The following CASQ2 variants were observed in gnomAD, a reference collection of about 807,000 sequenced individuals.
The protein encoded by CASQ2 is calsequestrin-2.
In CASQ2, 49 loss-of-function variants were observed where a neutral mutation model predicts 46.5. That is an observed-to-expected ratio of 1.05 (90% CI 0.84 to 1.34). The LOEUF (loss-of-function observed/expected upper bound fraction) is 1.34. Ranked by LOEUF, CASQ2 falls within the 40% of genes most tolerant of loss-of-function variation. CASQ2 has a pLI of 0.00. For missense variants in CASQ2, 486 were observed against 481.3 expected, an observed-to-expected ratio of 1.01 and a Z score of -0.09; for synonymous variants, 174 against 168.5, an observed-to-expected ratio of 1.03 and a Z score of -0.25.
At chr1:115,754,255 A>C (rs940662629) in intron 1 of CASQ2, among the ~76,000 whole-genome samples, 7 of 152,146 alleles carry the variant, frequency 4.6e-5, no homozygotes, top group African/African-American at 1.7e-4. Context: ...TCAAGCGAGT[A>C]TCGGGGGCCT....
intron 5 of CASQ2, 70 bp from the exon 6 acceptor site, chr1:115,727,192 A>T (rs1647625586): frequency 2.5e-6 from 3 of 1,190,566 alleles, no homozygotes; most frequent in African/African-American, 3.0e-5. Flanking sequence ...TTGTCCATCT[A>T]AGATAAGTGT....
In CASQ2 at chr1:115,730,809, C is replaced by T. The variant is rs139456861; in HGVS notation, c.606+2092G>A. On this transcript the variant is annotated intron_variant, in intron 5 of 10. Coordinates refer to ENST00000261448, the MANE Select transcript of CASQ2 (RefSeq NM_001232.4). ...CGCATTAGTGCTTTCTTGTCCCTTG[C>T]CTCTCCTGGTTTCAGACCTCAACAA... 5.8e-4 allele frequency among the ~76,000 whole-genome samples: 89 copies of T among 152,268 alleles called. 1 individual carries two copies. The East Asian group carries it at 0.011, about 19-fold the overall frequency.
At chr1:115,706,358 G>T (rs1654363139) in intron 8 of CASQ2, among the ~76,000 whole-genome samples, 1 of 152,118 alleles carries the variant, frequency 6.6e-6, no homozygotes, top group Admixed American at 6.5e-5. Context: ...ATCCCTTAGA[G>T]AACCCCCTAG....
intron 3 of CASQ2, 36 bp downstream of exon 3, chr1:115,740,692 C>A: frequency 7.8e-7 from 1 of 1,276,830 alleles, no homozygotes. Context: ...TGAGGAGAGG[C>A]AGCTCCATGC....
intron 2 of CASQ2, among the ~76,000 whole-genome samples, chr1:115,744,197 C>A (rs10754347): frequency 0.27 from 41,475 of 151,512 alleles, 6,077 homozygotes; most frequent in East Asian, 0.43. Context: ...GGAACTACCT[C>A]CATTCTCTCT....
chr1:115,760,796 T>C (rs1648910628), intron 1 of CASQ2, among the ~76,000 whole-genome samples: 1 of 152,154 alleles, frequency 6.6e-6, no homozygotes, highest in African/African-American at 2.4e-5. Context: ...TAAGAACACG[T>C]GTAAAAGTTC....
chr1:115,711,624 G>A (rs10923248), intron 8 of CASQ2, among the ~76,000 whole-genome samples: 86,145 of 148,028 alleles, frequency 0.58, 25,509 homozygotes, highest in African/African-American at 0.68. Context: ...TTGATCCTTC[G>A]TTGATGGGAA....
intron 5 of CASQ2, among the ~76,000 whole-genome samples, chr1:115,731,001 C>T (rs1425022413): frequency 6.6e-6 from 1 of 152,196 alleles, no homozygotes; most frequent in Non-Finnish European, 1.5e-5. Flanking sequence ...ACCATCTCCC[C>T]TTGGACACCC....
chr1:115,732,704 A>G (rs1475787224), intron 5 of CASQ2, among the ~76,000 whole-genome samples, 197 bp downstream of exon 5: 1 of 152,222 alleles, frequency 6.6e-6, no homozygotes, highest in Non-Finnish European at 1.5e-5. Flanking sequence ...AAATATCCTT[A>G]CATCCTCTGA....
chr1:115,764,271 G>T (rs1474263860), intron 1 of CASQ2, among the ~76,000 whole-genome samples: 1 of 151,898 alleles, frequency 6.6e-6, no homozygotes, highest in Non-Finnish European at 1.5e-5. Context: ...TGATACAGTG[G>T]AATACTATGC....
intron 9 of CASQ2, among the ~76,000 whole-genome samples, chr1:115,703,287 T>G (rs1459498162): frequency 6.6e-6 from 1 of 152,204 alleles, no homozygotes; most frequent in Non-Finnish European, 1.5e-5. Context: ...GTTTTATAGT[T>G]TATAGAGCCA....
chr1:115,737,454 G>C (rs553044655), intron 4 of CASQ2, among the ~76,000 whole-genome samples: 10 of 152,290 alleles, frequency 6.6e-5, no homozygotes, highest in African/African-American at 1.9e-4. Context: ...TGCTACCAGA[G>C]TTATGCTCAC....
intron 1 of CASQ2, among the ~76,000 whole-genome samples, chr1:115,755,277 T>C (rs1648720194): frequency 1.3e-5 from 2 of 152,238 alleles, no homozygotes; most frequent in Admixed American, 6.5e-5. Context: ...AACAGAATTC[T>C]GTGCCCCAGA....
intron 10 of CASQ2, among the ~76,000 whole-genome samples, chr1:115,702,159 T>G (rs1205414795): frequency 3.3e-5 from 5 of 151,858 alleles, no homozygotes; most frequent in African/African-American, 1.2e-4. Flanking sequence ...TGACCTCAGG[T>G]GATCCACCCA....
chr1:115,740,855 G>A (rs1298667219), intron 2 of CASQ2, 27 bp from the exon 3 acceptor site: 19 of 1,471,258 alleles, frequency 1.3e-5, no homozygotes, highest in East Asian at 2.3e-5. Context: ...GGCCCACAGA[G>A]AAGGTCATCC....
intron 1 of CASQ2, among the ~76,000 whole-genome samples, chr1:115,757,891 A>G (rs558458693): frequency 6.6e-6 from 1 of 152,316 alleles, no homozygotes; most frequent in East Asian, 1.9e-4. Flanking sequence ...TTTATTTCTA[A>G]TTCTTGACCT....
intron 1 of CASQ2, among the ~76,000 whole-genome samples, chr1:115,765,300 G>T (rs1282417372): frequency 6.6e-6 from 1 of 152,218 alleles, no homozygotes; most frequent in African/African-American, 2.4e-5. Context: ...GGTATTTCAA[G>T]TGCCCCTCAT....
intron 9 of CASQ2, among the ~76,000 whole-genome samples, chr1:115,704,316 T>C (rs1332668698): frequency 6.6e-6 from 1 of 152,208 alleles, no homozygotes; most frequent in Non-Finnish European, 1.5e-5. Flanking sequence ...CCTAAAGCAG[T>C]CGGTAGACCA....
At chr1:115,733,466 C>T (rs1647859509) in intron 4 of CASQ2, among the ~76,000 whole-genome samples, 1 of 152,144 alleles carries the variant, frequency 6.6e-6, no homozygotes, top group African/African-American at 2.4e-5. Flanking sequence ...GGAAGTACTC[C>T]TGTTGCTGAA....
Sources: gnomAD v4.1 joint callset for allele counts (sites outside exome capture counted in the v4.1 genomes callset) on GRCh38, gnomAD v4.1.1 for gene constraint, MANE v1.5 for transcripts, NCBI Gene and HGNC (gene_info 2026-07-23, HGNC 2026-07-21) for gene names.